Variants in SSPN observed in about 807,000 individuals in gnomAD.
The protein encoded by SSPN is sarcospan.
A neutral mutation model predicts 19.1 loss-of-function variants in SSPN; 15 were observed. The observed-to-expected ratio is 0.78, with a 90% CI of 0.52 to 1.21. The LOEUF is 1.21. Ranked by LOEUF, SSPN falls within the 50% of genes most tolerant of loss-of-function variation. SSPN has a pLI of 0.00. For synonymous variants in SSPN, 147 were observed against 140.3 expected (o/e 1.05, Z -0.34); for missense variants, 291 against 314.0 (o/e 0.93, Z 0.55).
At chr12:26,122,168 C>G (rs113285019) in intron 1 of SSPN, 10 of 1,532,060 alleles carry the variant, frequency 6.5e-6, no homozygotes, top group South Asian at 1.2e-5. Context: ...TGCGGCCGTG[C>G]GGGTGCTGGG....
intron 1 of SSPN, among the ~76,000 whole-genome samples, chr12:26,221,225 T>A (rs1281734308): frequency 6.6e-6 from 1 of 152,200 alleles, no homozygotes; most frequent in East Asian, 1.9e-4. Flanking sequence ...AGAATACCTT[T>A]CCTCACACTC....
chr12:26,145,523 A>C (rs1944485130), intron 1 of SSPN, among the ~76,000 whole-genome samples: 1 of 152,186 alleles, frequency 6.6e-6, no homozygotes, highest in Admixed American at 6.5e-5. Context: ...GGACATTAGC[A>C]TTGGTACCCT....
chr12:26,168,214 G>GAAAAAAAAAA (rs60365188), intron 1 of SSPN, among the ~76,000 whole-genome samples: 3 of 117,558 alleles, frequency 2.6e-5, no homozygotes, highest in Non-Finnish European at 3.6e-5. Flanking sequence ...CCCTGTCTCA[G>GAAAAAAAAAA]AAAAAAAAAA....
In SSPN at chr12:26,195,858, C is replaced by T; in HGVS notation, c.186C>T (p.Ala62=). Reference sequence around the variant, plus strand: ...TGCTGCTCGCCCTGCTGCAGCTGGCCCTGGGCATCGCCGTGACCGTGGTGG... The same window carrying T: ...TGCTGCTCGCCCTGCTGCAGCTGGCTCTGGGCATCGCCGTGACCGTGGTGG... ...FPLLLALLQL[A]LGIAVTVVGF... is the part of the protein sequence containing the mutation. The change falls in exon 1 of 3, where the codon GCC becomes GCT. Residue 62 remains alanine, a synonymous_variant. Transcript: ENST00000242729. 1 of 1,559,572 alleles carries T rather than the reference C, an allele frequency of 6.4e-7. No homozygotes were observed. The highest frequency in any genetic ancestry group is 1.2e-5 in the South Asian group (1 of 83,502).
At chr12:26,172,849 ATCTC>A (rs758707141) in intron 1 of SSPN, among the ~76,000 whole-genome samples, 3 of 149,496 alleles carry the variant, frequency 2.0e-5, no homozygotes, top group African/African-American at 7.4e-5. Flanking sequence ...TTCTTTACAG[ATCTC>A]TCTCTCTCTC....
chr12:26,161,857 G>A (rs998949138), intron 1 of SSPN, among the ~76,000 whole-genome samples: 1 of 152,164 alleles, frequency 6.6e-6, no homozygotes, highest in Non-Finnish European at 1.5e-5. Context: ...GGTCCTATGA[G>A]AATCTAATGC....
At chr12:26,128,803 C>T (rs772867349) in intron 1 of SSPN, among the ~76,000 whole-genome samples, 6 of 152,060 alleles carry the variant, frequency 3.9e-5, no homozygotes, top group African/African-American at 7.2e-5. Context: ...TTTTAATAGG[C>T]GAGGGGTAGC....
chr12:26,195,390 A>C, upstream of SSPN: 2 of 373,574 alleles, frequency 5.4e-6, no homozygotes, highest in Non-Finnish European at 4.6e-6. Context: ...TCAGGCGGCC[A>C]AGGGACCCGC....
upstream of SSPN, chr12:26,195,428 C>T (rs920489616): frequency 3.3e-6 from 2 of 610,992 alleles, no homozygotes; most frequent in Non-Finnish European, 4.7e-6. Flanking sequence ...ACCTGCAAAT[C>T]CTGCCCGGGG....
intron 1 of SSPN, among the ~76,000 whole-genome samples, chr12:26,222,805 C>A (rs1286665761): frequency 6.6e-6 from 1 of 152,218 alleles, no homozygotes; most frequent in African/African-American, 2.4e-5. Flanking sequence ...GCTGCTGTTT[C>A]TCTGGCCAGC....
Position 26,232,353 on chromosome 12 carries a change from T to G in SSPN, c.*1277T>G. On this transcript the variant is annotated 3_prime_UTR_variant, in exon 3 of 3. Coordinates refer to ENST00000242729, the MANE Select transcript of SSPN (RefSeq NM_005086.5). Reference sequence around the variant, plus strand: ...GGTTTAAAGCACAAATGCCCCAAGGTGGGGAGACTTCTCTCTGTGATTATT... The same window carrying G: ...GGTTTAAAGCACAAATGCCCCAAGGGGGGGAGACTTCTCTCTGTGATTATT... 1 of 984,252 alleles carries G rather than the reference T, an allele frequency of 1.0e-6. No homozygotes were observed. Among genetic ancestry groups the G allele is most frequent in the Non-Finnish European group, 1.2e-6 (1 of 829,402 alleles). The allele number at this position is 984,252 out of a possible 1,614,324, so 61.0% of individuals were successfully genotyped here.
At chr12:26,208,418 C>A (rs1025654346) in intron 1 of SSPN, among the ~76,000 whole-genome samples, 1 of 151,950 alleles carries the variant, frequency 6.6e-6, no homozygotes, top group African/African-American at 2.4e-5. Context: ...TTTATTTATT[C>A]AAAAAATATT....
chr12:26,209,994 A>G (rs1307870898), intron 1 of SSPN, among the ~76,000 whole-genome samples: 1 of 152,014 alleles, frequency 6.6e-6, no homozygotes, highest in Non-Finnish European at 1.5e-5. Flanking sequence ...GTCTTGCCAT[A>G]TGTCCCAGTG....
chr12:26,203,265 G>C (rs1423105820), intron 1 of SSPN, among the ~76,000 whole-genome samples: 1 of 152,194 alleles, frequency 6.6e-6, no homozygotes, highest in South Asian at 2.1e-4. Flanking sequence ...GCAAAATGCA[G>C]TTCATTTTTA....
chr12:26,201,031 A>AT (rs1555179556), intron 1 of SSPN, among the ~76,000 whole-genome samples: 1,379 of 60,478 alleles, frequency 0.023, 25 homozygotes, highest in Middle Eastern at 0.094. Flanking sequence ...ATATATATAT[A>AT]TATATATATA....
rs1944997672 is a variant in SSPN at position 26,212,364 on chromosome 12, G to A, written c.280-11929G>A. 2.6e-5 allele frequency among the ~76,000 whole-genome samples: 4 copies of A among 152,148 alleles called. No individual in the cohort carries two copies. The South Asian group carries it at 8.3e-4, about 32-fold the overall frequency. On this transcript the variant is annotated intron_variant, in intron 1 of 2. Coordinates refer to ENST00000242729, the MANE Select transcript of SSPN (RefSeq NM_005086.5). The stretch of plus-strand genomic sequence containing the variant: ...CAAGTGTCTTTTCTCTTTAGATCCT[G>A]AAAGGAAATACTTTTCTGTGATAGA...
At chr12:26,143,257 A>C (rs745691557) in intron 1 of SSPN, among the ~76,000 whole-genome samples, 10 of 152,244 alleles carry the variant, frequency 6.6e-5, no homozygotes, top group Admixed American at 1.3e-4. Context: ...ATGGTAGTGT[A>C]TCATCTTAAT....
chr12:26,166,703 T>C (rs1944623400), intron 1 of SSPN, among the ~76,000 whole-genome samples: 1 of 152,280 alleles, frequency 6.6e-6, no homozygotes, highest in Non-Finnish European at 1.5e-5. Flanking sequence ...TGTTCATTTA[T>C]GTACTGTTTG....
chr12:26,169,244 G>T (rs1944640076), intron 1 of SSPN, among the ~76,000 whole-genome samples: 1 of 151,930 alleles, frequency 6.6e-6, no homozygotes, highest in Admixed American at 6.6e-5. Context: ...CAGTTGGAAG[G>T]CTCTCAGTTA....
Sources: allele counts gnomAD v4.1 joint callset (sites outside exome capture counted in the v4.1 genomes callset), GRCh38; gene constraint gnomAD v4.1.1; transcripts MANE v1.5; gene names NCBI Gene and HGNC (gene_info 2026-07-23, HGNC 2026-07-21).